DOCK2: variants seen among roughly 807,000 people sequenced by gnomAD.
The protein encoded by DOCK2 is dedicator of cytokinesis 2.
Under a neutral mutation model 248.9 loss-of-function variants are expected in DOCK2, and 87 were observed. The observed-to-expected ratio is 0.35, with a 90% CI of 0.29 to 0.42. The LOEUF is 0.42. Among genes scored for constraint, DOCK2 ranks in the 10% least tolerant of loss-of-function variants. The pLI is 1.00. For synonymous variants in DOCK2, 805 were observed against 821.6 expected, an observed-to-expected ratio of 0.98 and a Z score of 0.35; for missense variants, 1,747 against 2,300.2, an observed-to-expected ratio of 0.76 and a Z score of 4.92.
chr5:169,862,932 A>G (rs895215722), intron 27 of DOCK2, among the ~76,000 whole-genome samples: 2 of 152,216 alleles, frequency 1.3e-5, no homozygotes, highest in Non-Finnish European at 2.9e-5. Flanking sequence ...CGTTTAATGT[A>G]TGTTTAGTTT....
chr5:169,680,475 G>A (rs2113348072), intron 6 of DOCK2, among the ~76,000 whole-genome samples: 1 of 152,308 alleles, frequency 6.6e-6, no homozygotes, highest in South Asian at 2.1e-4. Flanking sequence ...CAACATGTCT[G>A]AGATTGTTTT....
intron 27 of DOCK2, chr5:169,841,576 A>G (rs2113337949): frequency 2.0e-6 from 1 of 499,480 alleles, no homozygotes; most frequent in African/African-American, 2.1e-5. Flanking sequence ...AAACATTGCC[A>G]GGCCTGAAAT....
At chr5:170,015,565 T>TG (rs1755494404) in intron 32 of DOCK2, among the ~76,000 whole-genome samples, 1 of 116,458 alleles carries the variant, frequency 8.6e-6, no homozygotes, top group Non-Finnish European at 1.7e-5. Context: ...ATTTTAGGTT[T>TG]TTTTTGTTTG....
At position 169,871,463 on chromosome 5, in the gene DOCK2, CCTT is replaced by C. The variant is rs144483815; in HGVS notation, c.2799+30614_2799+30616del. Among the ~76,000 whole-genome samples the C allele has an allele frequency of 2.8e-3, 431 of 152,280 alleles. 1 individual carries two copies. The highest frequency in any genetic ancestry group is 5.0e-3 in the Non-Finnish European group (339 of 68,006). ...AGACACTATGCTACAAGTTTACACT[CCTT>C]CTCTCATGAATTCTCACAATCCCAT... is the stretch of plus-strand genomic sequence containing the variant. On this transcript the variant is annotated intron_variant, in intron 27 of 51. Transcript: ENST00000520908.
At chr5:169,873,737 A>G (rs987267299) in intron 27 of DOCK2, among the ~76,000 whole-genome samples, 4 of 152,216 alleles carry the variant, frequency 2.6e-5, no homozygotes, top group African/African-American at 9.6e-5. Flanking sequence ...TGGTTAGGTA[A>G]TAGCTTTGAG....
At chr5:169,852,604 T>C (rs1299863728) in intron 27 of DOCK2, among the ~76,000 whole-genome samples, 1 of 152,226 alleles carries the variant, frequency 6.6e-6, no homozygotes, top group Non-Finnish European at 1.5e-5. Context: ...CCTGCCAAGC[T>C]TGTGGTGAAG....
intron 6 of DOCK2, 103 bp from the exon 7 acceptor site, chr5:169,681,641 A>C: frequency 2.1e-6 from 3 of 1,444,836 alleles, no homozygotes; most frequent in Non-Finnish European, 2.8e-6. Flanking sequence ...CTATGTGACT[A>C]TATGACCCCC....
rs537323395 is a variant in DOCK2, at chr5:169,731,307, T to C, written c.2267+12516T>C. ...TGGGAGGAGCCCTATGGGAGGTGAT[T>C]GAATTACAGGGGTGGGTCTTTTCTG... On this transcript the variant is annotated intron_variant, in intron 22 of 51. Coordinates refer to ENST00000520908, the MANE Select transcript of DOCK2 (RefSeq NM_004946.3). Among the ~76,000 whole-genome samples, 3 of 152,246 alleles carry C rather than the reference T, an allele frequency of 2.0e-5. No individual in the cohort carries two copies. The South Asian group carries it at 6.2e-4, about 32-fold the overall frequency.
chr5:169,916,681 A>T, intron 27 of DOCK2, among the ~76,000 whole-genome samples: 1 of 44,254 alleles, frequency 2.3e-5, no homozygotes, highest in East Asian at 4.9e-4. Context: ...TTTTCAAAAT[A>T]TGAGAGACTT....
chr5:169,652,096 T>C (rs576424804), intron 1 of DOCK2, among the ~76,000 whole-genome samples: 2 of 152,352 alleles, frequency 1.3e-5, no homozygotes, highest in South Asian at 4.1e-4. Flanking sequence ...ATTTCTTGCA[T>C]TCTACAGTCA....
chr5:169,878,751 T>C (rs1581344385), intron 27 of DOCK2, among the ~76,000 whole-genome samples: 1 of 152,214 alleles, frequency 6.6e-6, no homozygotes, highest in Admixed American at 6.5e-5. Flanking sequence ...CTAGGATTAA[T>C]GCTAAGGAGA....
intron 29 of DOCK2, among the ~76,000 whole-genome samples, chr5:169,989,377 G>A (rs1778152939): frequency 6.6e-6 from 1 of 152,154 alleles, no homozygotes; most frequent in Non-Finnish European, 1.5e-5. Flanking sequence ...TCTTCCATCT[G>A]CACCTCACTC....
At chr5:170,023,546 T>G (rs1350192302) in intron 33 of DOCK2, among the ~76,000 whole-genome samples, 1 of 152,176 alleles carries the variant, frequency 6.6e-6, no homozygotes, top group Non-Finnish European at 1.5e-5. Flanking sequence ...TCTTCATCTG[T>G]AAAGTGGGTA....
At chr5:169,736,210 G>A (rs1391807515) in intron 22 of DOCK2, among the ~76,000 whole-genome samples, 94 of 152,286 alleles carry the variant, frequency 6.2e-4, no homozygotes, top group Non-Finnish European at 5.9e-5. Context: ...GAGAGTCCAT[G>A]ATTTTTGAGT....
At chr5:169,799,084 C>T (rs1178904604) in intron 25 of DOCK2, among the ~76,000 whole-genome samples, 4 of 152,152 alleles carry the variant, frequency 2.6e-5, no homozygotes, top group East Asian at 1.9e-4. Context: ...GGACAACCTG[C>T]GCACTCTTAT....
intron 27 of DOCK2, among the ~76,000 whole-genome samples, chr5:169,863,119 A>G (rs1029850134): frequency 5.9e-5 from 9 of 152,222 alleles, no homozygotes; most frequent in Non-Finnish European, 7.3e-5. Context: ...ATCCACATGT[A>G]TGTAGGTCTT....
chr5:169,808,558 G>A (rs188284919), intron 26 of DOCK2, among the ~76,000 whole-genome samples: 1 of 150,766 alleles, frequency 6.6e-6, no homozygotes, highest in Non-Finnish European at 1.5e-5. Context: ...AGGATAAAAG[G>A]CCTGACTTCT....
chr5:169,643,488 A>G (rs1757266033), intron 1 of DOCK2, among the ~76,000 whole-genome samples: 1 of 152,200 alleles, frequency 6.6e-6, no homozygotes, highest in African/African-American at 2.4e-5. Flanking sequence ...TTAGATTCTC[A>G]TAAGGAGCAT....
intron 27 of DOCK2, among the ~76,000 whole-genome samples, chr5:169,870,657 G>T (rs261022): frequency 0.022 from 3,407 of 151,916 alleles, 134 homozygotes; most frequent in African/African-American, 0.075. Flanking sequence ...CAATGTGCAG[G>T]TTTGTTACAC....
Sources: gnomAD v4.1 joint callset for allele counts (sites outside exome capture counted in the v4.1 genomes callset) on GRCh38, gnomAD v4.1.1 for gene constraint, MANE v1.5 for transcripts, NCBI Gene and HGNC (gene_info 2026-07-23, HGNC 2026-07-21) for gene names.